Variants in EPB41L2 observed in about 807,000 individuals in gnomAD.
The protein encoded by EPB41L2 is band 4.1-like protein 2.
Under a neutral mutation model 113.0 loss-of-function variants are expected in EPB41L2, and 43 were observed. That is an observed-to-expected ratio of 0.38 (90% CI 0.30 to 0.49). The LOEUF (loss-of-function observed/expected upper bound fraction) is 0.49, where lower values mean the gene tolerates loss of function less well. Among genes scored for constraint, EPB41L2 ranks in the 20% least tolerant of loss-of-function variants. The probability of loss-of-function intolerance (pLI) is 0.95; values close to 1 mark genes in which losing one functional copy is unlikely to be tolerated. For synonymous variants in EPB41L2, 442 were observed against 436.7 expected, an observed-to-expected ratio of 1.01 and a Z score of -0.15; for missense variants, 1,147 against 1,223.4, an observed-to-expected ratio of 0.94 and a Z score of 0.93.
chr6:131,016,669 A>G (rs762501075), intron 1 of EPB41L2, among the ~76,000 whole-genome samples: 62 of 152,066 alleles, frequency 4.1e-4, no homozygotes, highest in Non-Finnish European at 8.4e-4. Flanking sequence ...GTACATACTA[A>G]GGTGATGGCA....
At chr6:130,871,966 G>T (rs567816196) in intron 14 of EPB41L2, among the ~76,000 whole-genome samples, 1 of 152,180 alleles carries the variant, frequency 6.6e-6, no homozygotes, top group Non-Finnish European at 1.5e-5. Flanking sequence ...ATGTCATGGA[G>T]CATGGGAGGC....
intron 1 of EPB41L2, among the ~76,000 whole-genome samples, chr6:130,980,214 G>GA (rs1660237133): frequency 6.6e-6 from 1 of 152,108 alleles, no homozygotes; most frequent in African/African-American, 2.4e-5. Context: ...AGAGGGGAGG[G>GA]AAAGAGGTAA....
intron 1 of EPB41L2, among the ~76,000 whole-genome samples, chr6:131,044,700 C>G (rs1389747324): frequency 6.6e-6 from 1 of 152,150 alleles, no homozygotes; most frequent in Non-Finnish European, 1.5e-5. Context: ...CAAGGCAGCC[C>G]CATTCCATCA....
At chr6:131,011,547 T>A (rs1036355450) in intron 1 of EPB41L2, among the ~76,000 whole-genome samples, 2 of 152,372 alleles carry the variant, frequency 1.3e-5, no homozygotes, top group Admixed American at 1.3e-4. Flanking sequence ...TCTATAGACA[T>A]GTACTTCAAA....
Position 130,877,118 on chromosome 6 carries a change from A to G in EPB41L2, c.2043+986T>C, listed in dbSNP as rs41372348. ...CAATTCTTTTTGCTCATCTGTTCTT[A>G]AAGAGCTTTCTTTTTCAATGGCACA... On this transcript the variant is annotated intron_variant, in intron 14 of 19. Coordinates refer to ENST00000337057, the MANE Select transcript of EPB41L2 (RefSeq NM_001431.4). 0.02 allele frequency among the ~76,000 whole-genome samples: 3,038 copies of G among 152,296 alleles called. 198 individuals are homozygous for G. The East Asian group carries it at 0.26, about 13-fold the overall frequency.
chr6:130,967,902 GA>G (rs551365350), intron 1 of EPB41L2, among the ~76,000 whole-genome samples: 5 of 151,064 alleles, frequency 3.3e-5, no homozygotes, highest in Middle Eastern at 3.4e-3. Context: ...ATGCTCTATA[GA>G]AAAAAAAATG....
intron 1 of EPB41L2, among the ~76,000 whole-genome samples, chr6:130,983,519 C>CTTT (rs56940825): frequency 1.2e-3 from 160 of 137,326 alleles, no homozygotes; most frequent in Middle Eastern, 3.8e-3. Context: ...CTACTATAGA[C>CTTT]TTTTTTTTTT....
At chr6:131,036,671 C>A (rs17180867) in intron 1 of EPB41L2, among the ~76,000 whole-genome samples, 4 of 151,976 alleles carry the variant, frequency 2.6e-5, no homozygotes, top group Non-Finnish European at 5.9e-5. Context: ...TTATCTCCTC[C>A]AACTATGATT....
intron 3 of EPB41L2, among the ~76,000 whole-genome samples, chr6:130,940,551 T>C (rs1423895431): frequency 1.3e-5 from 2 of 151,670 alleles, no homozygotes; most frequent in African/African-American, 4.9e-5. Context: ...CTGTAGACTC[T>C]ACCTCCTGGG....
Position 130,956,147 on chromosome 6 carries a change from A to T in EPB41L2, c.339T>A (p.Asp113Glu). 6.2e-7 allele frequency: 1 copy of T among 1,614,014 alleles called. No homozygotes were observed. Among genetic ancestry groups the T allele is most frequent in the Admixed American group, 1.7e-5 (1 of 60,020 alleles). Residue 113 changes from aspartate to glutamate, a missense_variant, in exon 2 of 20, where the codon GAT becomes GAA. Asp to Glu is a conservative substitution (Grantham distance 45). Transcript: ENST00000337057. ...TQAVVEEQVL[D>E]KEEPLPEEQR... is the part of the protein sequence containing the mutation. ...GTTCTTCTGGAAGGGGTTCCTCTTT[A>T]TCTAAGACCTGTTCTTCAACAACAG...
chr6:130,930,708 T>TA (rs1356054105), intron 3 of EPB41L2, among the ~76,000 whole-genome samples: 1 of 151,936 alleles, frequency 6.6e-6, no homozygotes, highest in Non-Finnish European at 1.5e-5. Flanking sequence ...AAACATACAT[T>TA]AAAAATCACA....
At chr6:130,869,229 T>A (rs1469831134) in intron 15 of EPB41L2, among the ~76,000 whole-genome samples, 1 of 152,014 alleles carries the variant, frequency 6.6e-6, no homozygotes, top group African/African-American at 2.4e-5. Flanking sequence ...AGGCATTTAG[T>A]GTGAGGAAGC....
At chr6:131,036,106 G>T (rs184334206) in intron 1 of EPB41L2, among the ~76,000 whole-genome samples, 1 of 152,256 alleles carries the variant, frequency 6.6e-6, no homozygotes, top group East Asian at 1.9e-4. Flanking sequence ...TTTTCTATTT[G>T]TAATTTCAAA....
At chr6:130,969,180 G>A (rs765708203) in intron 1 of EPB41L2, among the ~76,000 whole-genome samples, 60 of 151,842 alleles carry the variant, frequency 4.0e-4, no homozygotes, top group Admixed American at 5.9e-4. Context: ...CCACACCCAC[G>A]TTGCAAATAA....
intron 1 of EPB41L2, among the ~76,000 whole-genome samples, chr6:130,986,300 A>T (rs963672425): frequency 1.8e-4 from 28 of 152,234 alleles, no homozygotes; most frequent in Non-Finnish European, 3.1e-4. Context: ...AACTAGGAGT[A>T]ACATTTCTCC....
intron 1 of EPB41L2, among the ~76,000 whole-genome samples, chr6:131,052,333 T>C (rs1796729692): frequency 6.6e-6 from 1 of 152,040 alleles, no homozygotes; most frequent in African/African-American, 2.4e-5. Flanking sequence ...AAGATAGAAA[T>C]ATAGAGCCCA....
intron 1 of EPB41L2, among the ~76,000 whole-genome samples, chr6:131,053,451 A>C (rs909945617): frequency 2.0e-5 from 3 of 150,298 alleles, no homozygotes; most frequent in Non-Finnish European, 4.5e-5. Flanking sequence ...AAAAAAAAAA[A>C]AAAAAAAAGA....
At chr6:130,975,416 T>C (rs1777969606) in intron 1 of EPB41L2, among the ~76,000 whole-genome samples, 1 of 152,166 alleles carries the variant, frequency 6.6e-6, no homozygotes, top group African/African-American at 2.4e-5. Flanking sequence ...GTATCATAAT[T>C]TGACTTTTAA....
At chr6:130,941,739 T>C (rs1810968290) in intron 3 of EPB41L2, among the ~76,000 whole-genome samples, 1 of 152,190 alleles carries the variant, frequency 6.6e-6, no homozygotes, top group Admixed American at 6.5e-5. Flanking sequence ...AAAATCAGGC[T>C]TAATCTCAAA....
Sources: gnomAD v4.1 joint callset for allele counts (sites outside exome capture counted in the v4.1 genomes callset) on GRCh38, gnomAD v4.1.1 for gene constraint, MANE v1.5 for transcripts, NCBI Gene and HGNC (gene_info 2026-07-23, HGNC 2026-07-21) for gene names.